DLGAP1: variants seen among roughly 807,000 people sequenced by gnomAD.
DLGAP1 encodes disks large-associated protein 1.
Under a neutral mutation model 90.8 loss-of-function variants are expected in DLGAP1, and 11 were observed. That is an observed-to-expected ratio of 0.12 (90% CI 0.08 to 0.20). The LOEUF (loss-of-function observed/expected upper bound fraction) is 0.20. Among genes scored for constraint, DLGAP1 ranks in the 10% least tolerant of loss-of-function variants. The pLI is 1.00. For synonymous variants in DLGAP1, 558 were observed against 540.7 expected, an observed-to-expected ratio of 1.03 and a Z score of -0.44; for missense variants, 1,050 against 1,333.8, an observed-to-expected ratio of 0.79 and a Z score of 3.31.
intron 3 of DLGAP1, among the ~76,000 whole-genome samples, chr18:3,982,612 T>A (rs1012168615): frequency 6.6e-6 from 1 of 152,124 alleles, no homozygotes; most frequent in African/African-American, 2.4e-5. Flanking sequence ...GTTCTTATTA[T>A]CTACATGCCT....
chr18:4,265,668 CCTTCCTTCCTTCCTT>C (rs2079112951), intron 1 of DLGAP1, among the ~76,000 whole-genome samples: 15 of 71,766 alleles, frequency 2.1e-4, no homozygotes, highest in African/African-American at 1.2e-3. Context: ...TCCCTCCCTT[CCTTCCTTCCTTCCTT>C]CCTTCCTTCC....
intron 2 of DLGAP1, among the ~76,000 whole-genome samples, chr18:4,008,973 G>T (rs1363192828): frequency 6.6e-6 from 1 of 151,966 alleles, no homozygotes; most frequent in Non-Finnish European, 1.5e-5. Context: ...GCGCGATCTC[G>T]GCTCACTGCA....
chr18:3,966,241 G>A (rs2073328048), intron 3 of DLGAP1, among the ~76,000 whole-genome samples: 2 of 152,162 alleles, frequency 1.3e-5, no homozygotes, highest in South Asian at 4.1e-4. Context: ...GGGGGCCAGG[G>A]TGGCTGGAGT....
chr18:3,674,087 C>T (rs2060198949), intron 7 of DLGAP1, among the ~76,000 whole-genome samples: 2 of 152,046 alleles, frequency 1.3e-5, no homozygotes, highest in Admixed American at 1.3e-4. Flanking sequence ...AGTTATCCAC[C>T]TGCCTTGGCC....
chr18:3,834,029 G>A (rs531255337), intron 4 of DLGAP1, among the ~76,000 whole-genome samples: 8 of 152,230 alleles, frequency 5.3e-5, no homozygotes, highest in Non-Finnish European at 7.4e-5. Flanking sequence ...TTTATGGGCC[G>A]GGCGTGGTGG....
chr18:3,574,215 T>A (rs1413034736), intron 8 of DLGAP1, among the ~76,000 whole-genome samples: 1 of 152,262 alleles, frequency 6.6e-6, no homozygotes, highest in East Asian at 1.9e-4. Context: ...TATTTTCAAA[T>A]AACCAATTTT....
chr18:4,443,434 A>G (rs2083585487), intron 1 of DLGAP1, among the ~76,000 whole-genome samples: 1 of 152,166 alleles, frequency 6.6e-6, no homozygotes, highest in Non-Finnish European at 1.5e-5. Flanking sequence ...AGCAGAAGGG[A>G]TGGCATGTGT....
At chr18:4,436,791 T>C (rs1440238169) in intron 1 of DLGAP1, among the ~76,000 whole-genome samples, 1 of 152,218 alleles carries the variant, frequency 6.6e-6, no homozygotes, top group African/African-American at 2.4e-5. Flanking sequence ...CCAGCTATTC[T>C]CTCGACACCT....
intron 1 of DLGAP1, among the ~76,000 whole-genome samples, chr18:4,247,631 G>C (rs919505568): frequency 6.6e-6 from 1 of 152,074 alleles, no homozygotes; most frequent in Admixed American, 6.5e-5. Flanking sequence ...CAAAAAATTA[G>C]CCAGGCGTGG....
intron 9 of DLGAP1, among the ~76,000 whole-genome samples, chr18:3,535,938 G>T (rs2052346535): frequency 6.6e-6 from 1 of 152,060 alleles, no homozygotes; most frequent in Admixed American, 6.6e-5. Flanking sequence ...AGGAGGCTGA[G>T]GCAGGAGAAT....
intron 3 of DLGAP1, chr18:3,885,344 A>C (rs1267024446): frequency 6.6e-6 from 1 of 152,210 alleles, no homozygotes; most frequent in Non-Finnish European, 1.5e-5. Flanking sequence ...AAGACGACCA[A>C]ATGCCTACAG....
chr18:4,026,946 C>T (rs566987719), intron 2 of DLGAP1, among the ~76,000 whole-genome samples: 2 of 152,172 alleles, frequency 1.3e-5, no homozygotes, highest in Admixed American at 6.5e-5. Context: ...AAGGGAGGCT[C>T]GGCCTGAATA....
chr18:3,756,884 A>G (rs1180594358), intron 5 of DLGAP1, among the ~76,000 whole-genome samples: 1 of 152,196 alleles, frequency 6.6e-6, no homozygotes, highest in African/African-American at 2.4e-5. Context: ...AACTGCCTCA[A>G]GAAGAAATAA....
chr18:3,701,139 C>T (rs2147122832), intron 7 of DLGAP1, among the ~76,000 whole-genome samples: 1 of 152,312 alleles, frequency 6.6e-6, no homozygotes, highest in South Asian at 2.1e-4. Context: ...CTCGGCCTCC[C>T]AAAGTGCTGG....
At chr18:4,112,259 T>C (rs1259730024) in intron 2 of DLGAP1, among the ~76,000 whole-genome samples, 1 of 151,962 alleles carries the variant, frequency 6.6e-6, no homozygotes, top group Non-Finnish European at 1.5e-5. Context: ...ATTTCTAATT[T>C]AATTCTGTTG....
rs1443959196 is a variant in DLGAP1 at position 4,277,776 on chromosome 18, C to A, written c.-266-126489G>T. On this transcript the variant is annotated intron_variant, in intron 1 of 12. Transcript: ENST00000315677. The stretch of plus-strand genomic sequence containing the variant: ...CTCAGCAGGGGTAGCACAAACCTAT[C>A]TCCCACTGTCACTTTATGTATTTTG... Among the ~76,000 whole-genome samples, 4 of 152,146 alleles carry A rather than the reference C, an allele frequency of 2.6e-5. No homozygotes were observed. In the East Asian group the frequency reaches 7.7e-4, roughly 29 times the overall value.
At chr18:3,648,124 A>G (rs1315527879) in intron 7 of DLGAP1, among the ~76,000 whole-genome samples, 1 of 152,224 alleles carries the variant, frequency 6.6e-6, no homozygotes, top group Non-Finnish European at 1.5e-5. Flanking sequence ...TTAAGCACAC[A>G]TGTCGGTTAA....
At chr18:3,583,444 T>C (rs777475885) in intron 7 of DLGAP1, among the ~76,000 whole-genome samples, 6 of 152,148 alleles carry the variant, frequency 3.9e-5, no homozygotes, top group Non-Finnish European at 8.8e-5. Context: ...CTCTGTCTTT[T>C]TCTGGATAAA....
At chr18:4,390,288 C>G (rs1192624146) in intron 1 of DLGAP1, among the ~76,000 whole-genome samples, 2 of 152,014 alleles carry the variant, frequency 1.3e-5, no homozygotes, top group Non-Finnish European at 2.9e-5. Flanking sequence ...CACCCCTGTC[C>G]CCACATGTTC....
Sources: allele counts gnomAD v4.1 joint callset (sites outside exome capture counted in the v4.1 genomes callset), GRCh38; gene constraint gnomAD v4.1.1; transcripts MANE v1.5; gene names NCBI Gene and HGNC (gene_info 2026-07-23, HGNC 2026-07-21).